The following SLC9A2 variants were observed in gnomAD, a reference collection of about 807,000 sequenced individuals.
SLC9A2 encodes the protein sodium/hydrogen exchanger 2.
SLC9A2 carries 42 observed loss-of-function variants against 71.7 expected under a neutral mutation model. The observed-to-expected ratio is 0.59, with a 90% CI of 0.46 to 0.76. The LOEUF is 0.76. Among genes scored for constraint, SLC9A2 ranks in the 30% least tolerant of loss-of-function variants. SLC9A2 has a pLI of 0.00. For synonymous variants in SLC9A2, 396 were observed against 392.5 expected (o/e 1.01, Z -0.10); for missense variants, 829 against 1,017.4 (o/e 0.81, Z 2.52).
rs528516292 is a variant in SLC9A2 at position 102,702,627 on chromosome 2, T to C, written c.1845+125T>C. The stretch of plus-strand genomic sequence containing the variant: ...TCAGCAGGTCCCATGCTGGGCATCT[T>C]CTCTCCTTCTGCTTCTCTCCATCCC... On this transcript the variant is annotated intron_variant, in intron 9 of 11. Transcript: ENST00000233969. 3.3e-4 allele frequency: 205 copies of C among 615,298 alleles called. No homozygotes were observed. The African/African-American group carries it at 3.7e-3, about 11-fold the overall frequency. 38.1% of individuals were successfully genotyped at this position (615,298 alleles called of 1,614,324 possible).
intron 3 of SLC9A2, among the ~76,000 whole-genome samples, chr2:102,675,389 G>A (rs1558716516): frequency 6.6e-6 from 1 of 152,182 alleles, no homozygotes; most frequent in Non-Finnish European, 1.5e-5. Context: ...TTAAGGAGAA[G>A]TGACACAATT....
intron 5 of SLC9A2, among the ~76,000 whole-genome samples, chr2:102,685,302 G>A (rs1332767819): frequency 6.6e-6 from 1 of 152,196 alleles, no homozygotes; most frequent in East Asian, 1.9e-4. Context: ...ATGAGGCGAA[G>A]CAGGGTCTGG....
chr2:102,646,337 A>T (rs1676723434), intron 1 of SLC9A2, among the ~76,000 whole-genome samples: 1 of 152,252 alleles, frequency 6.6e-6, no homozygotes, highest in African/African-American at 2.4e-5. Context: ...AGTACAGGCC[A>T]CTGCAAAAAC....
chr2:102,698,737 T>C (rs923202934), intron 7 of SLC9A2, among the ~76,000 whole-genome samples: 1 of 152,180 alleles, frequency 6.6e-6, no homozygotes, highest in Non-Finnish European at 1.5e-5. Flanking sequence ...GCACAAGAGG[T>C]AAGCCTCCAT....
intron 1 of SLC9A2, among the ~76,000 whole-genome samples, chr2:102,635,860 A>C (rs946800956): frequency 6.6e-6 from 1 of 151,156 alleles, no homozygotes; most frequent in Non-Finnish European, 1.5e-5. Context: ...TGTTTACTTA[A>C]TGATTGGCTC....
chr2:102,666,867 C>G (rs17027657), intron 3 of SLC9A2, among the ~76,000 whole-genome samples: 1,623 of 152,212 alleles, frequency 0.011, 29 homozygotes, highest in African/African-American at 0.038. Flanking sequence ...AGGCTAAATG[C>G]TAGGACCTGC....
chr2:102,705,875 C>G lies in SLC9A2; in HGVS notation c.2007C>G (p.Ser669=), dbSNP rs555163721. 6.3e-7 allele frequency: 1 copy of G among 1,599,292 alleles called. No individual in the cohort carries two copies. Among genetic ancestry groups the G allele is most frequent in the African/African-American group, 1.3e-5 (1 of 74,360 alleles). The change falls in exon 11 of 12, where the codon TCC becomes TCG. Residue 669 remains serine (S), a synonymous_variant. Transcript: ENST00000233969. ...RASTSTSRYL[S]LPKNTKLPEK... ...CCACTTCAACCTCCCGATATTTATC[C>G]TTACCTAAAAATACGAAGCTTCCAG...
intron 8 of SLC9A2, among the ~76,000 whole-genome samples, chr2:102,701,851 C>G (rs1406355962): frequency 6.6e-6 from 1 of 152,190 alleles, no homozygotes; most frequent in Non-Finnish European, 1.5e-5. Flanking sequence ...AATTTTTTGT[C>G]ACTCTCCATA....
In SLC9A2 at chr2:102,691,387, G is replaced by A. The variant is rs916821168; in HGVS notation, c.1426-3027G>A. On this transcript the variant is annotated intron_variant, in intron 5 of 11. Transcript: ENST00000233969. ...TGATCTAAATTAGAAATTTTCTAAT[G>A]TGGTTAAAATAAGGTGCTTTCTTGG... Among the ~76,000 whole-genome samples the A allele has an allele frequency of 3.9e-5, 6 of 152,138 alleles. 1 individual carries two copies. Among genetic ancestry groups the A allele is most frequent in the African/African-American group, 1.2e-4 (5 of 41,412 alleles).
At chr2:102,668,551 G>C (rs547390771) in intron 3 of SLC9A2, among the ~76,000 whole-genome samples, 2 of 152,102 alleles carry the variant, frequency 1.3e-5, no homozygotes, top group Non-Finnish European at 2.9e-5. Flanking sequence ...TACTAATTAC[G>C]CTCTCTCTTT....
chr2:102,650,017 C>G (rs377216397), intron 1 of SLC9A2, among the ~76,000 whole-genome samples: 4 of 152,146 alleles, frequency 2.6e-5, no homozygotes, highest in Admixed American at 2.6e-4. Context: ...CACATGCACA[C>G]GTGTGTTTCT....
intron 1 of SLC9A2, among the ~76,000 whole-genome samples, chr2:102,634,811 G>A (rs1274481026): frequency 1.3e-5 from 2 of 152,052 alleles, no homozygotes; most frequent in African/African-American, 2.4e-5. Flanking sequence ...TGAAAGATGA[G>A]CAGCCAGGCA....
At chr2:102,653,207 G>C (rs1200176034) in intron 1 of SLC9A2, among the ~76,000 whole-genome samples, 1 of 152,194 alleles carries the variant, frequency 6.6e-6, no homozygotes, top group African/African-American at 2.4e-5. Flanking sequence ...TCTTGCCAAT[G>C]AAACAATTTG....
chr2:102,655,122 G>T (rs115042364), intron 1 of SLC9A2, among the ~76,000 whole-genome samples: 1,576 of 151,652 alleles, frequency 0.01, 23 homozygotes, highest in African/African-American at 0.036. Context: ...TTTAAAAATG[G>T]TTTTTTTGTA....
At chr2:102,683,591 T>C (rs1677495443) in intron 4 of SLC9A2, 113 bp downstream of exon 4, 5 of 782,352 alleles carry the variant, frequency 6.4e-6, no homozygotes, top group South Asian at 5.5e-5. Flanking sequence ...CTGCTTAATT[T>C]CTTCTTCTTT....
rs533755632 is a variant in SLC9A2, at chr2:102,708,343, C to A, written c.2293C>A (p.Gln765Lys). 1 of 1,614,238 alleles carries A rather than the reference C, an allele frequency of 6.2e-7. No individual in the cohort carries two copies. Among genetic ancestry groups the A allele is most frequent in the Non-Finnish European group, 8.5e-7 (1 of 1,180,044 alleles). Residue 765 changes from glutamine to lysine, a missense_variant, in exon 12 of 12, where the codon CAG becomes AAG. By Grantham distance (53) the Gln-to-Lys change is moderately conservative (BLOSUM62 1). Transcript: ENST00000233969. ...CACCCAGACGTCAGGCTTACTACAGCAGCCCCTTCTCTCTAAAGACCAGTC... is the reference window on the plus strand; with the variant it reads ...CACCCAGACGTCAGGCTTACTACAGAAGCCCCTTCTCTCTAAAGACCAGTC... ...KGTQTSGLLQ[Q>K]PLLSKDQSGS... is the part of the protein sequence containing the mutation.
intron 3 of SLC9A2, among the ~76,000 whole-genome samples, chr2:102,679,748 T>A (rs141173410): frequency 6.6e-6 from 1 of 152,232 alleles, no homozygotes; most frequent in African/African-American, 2.4e-5. Context: ...TGGAGATTAC[T>A]TTTTGCCTGT....
chr2:102,649,075 A>G (rs971368472), intron 1 of SLC9A2, among the ~76,000 whole-genome samples: 1 of 152,204 alleles, frequency 6.6e-6, no homozygotes. Flanking sequence ...TTCAAACTAT[A>G]CTACAAGGCT....
intron 3 of SLC9A2, among the ~76,000 whole-genome samples, chr2:102,671,995 G>A (rs1364010400): frequency 6.6e-6 from 1 of 152,048 alleles, no homozygotes; most frequent in African/African-American, 2.4e-5. Flanking sequence ...AATCCCAGCT[G>A]CTACTTGGGA....
Sources: allele counts gnomAD v4.1 joint callset (sites outside exome capture counted in the v4.1 genomes callset), GRCh38; gene constraint gnomAD v4.1.1; transcripts MANE v1.5; gene names NCBI Gene and HGNC (gene_info 2026-07-23, HGNC 2026-07-21).